ADARB2: variants seen among roughly 807,000 people sequenced by gnomAD.
ADARB2 encodes the protein adenosine deaminase RNA specific B2 (inactive), also known as inactive double-stranded RNA-specific editase B2.
In ADARB2, 25 loss-of-function variants were observed where a neutral mutation model predicts 62.2. The ratio of observed to expected loss-of-function variants is 0.40; its 90% confidence interval spans 0.29 to 0.56. ADARB2 has a LOEUF of 0.56. Among genes scored for constraint, ADARB2 ranks in the 20% least tolerant of loss-of-function variants. ADARB2 has a pLI of 0.43. For synonymous variants in ADARB2, 572 were observed against 500.8 expected, an observed-to-expected ratio of 1.14 and a Z score of -1.90; for missense variants, 1,071 against 1,077.4, an observed-to-expected ratio of 0.99 and a Z score of 0.08.
chr10:1,310,647 C>T (rs540102422), intron 3 of ADARB2, among the ~76,000 whole-genome samples: 1 of 152,272 alleles, frequency 6.6e-6, no homozygotes, highest in East Asian at 1.9e-4. Context: ...GGCTGCTGCG[C>T]TCCAGTCGGG....
chr10:1,613,393 G>A lies in ADARB2; in HGVS notation c.100+123658C>T, dbSNP rs75190771. 1.7e-3 allele frequency among the ~76,000 whole-genome samples: 258 copies of A among 152,060 alleles called. 1 individual carries two copies. Among genetic ancestry groups the A allele is most frequent in the African/African-American group, 5.4e-3 (225 of 41,444 alleles). Reference sequence around the variant, plus strand: ...ATAATTTTTCCTACTACTTCTTGTCGTTACCATTTCAAGGACAACATCCAT... The same window carrying A: ...ATAATTTTTCCTACTACTTCTTGTCATTACCATTTCAAGGACAACATCCAT... On this transcript the variant is annotated intron_variant, in intron 1 of 9. Coordinates refer to ENST00000381312, the MANE Select transcript of ADARB2 (RefSeq NM_018702.4).
intron 3 of ADARB2, among the ~76,000 whole-genome samples, chr10:1,321,558 T>C (rs1831795365): frequency 6.7e-6 from 1 of 149,706 alleles, no homozygotes; most frequent in South Asian, 2.1e-4. Context: ...TATTTTCAAA[T>C]TTTTTTGTAG....
chr10:1,734,336 T>C (rs1191480229), intron 1 of ADARB2, among the ~76,000 whole-genome samples: 3 of 150,870 alleles, frequency 2.0e-5, no homozygotes, highest in Non-Finnish European at 4.4e-5. Context: ...TACAGCTGCC[T>C]TTGTGGCATA....
chr10:1,320,828 G>T (rs1265467747), intron 3 of ADARB2, among the ~76,000 whole-genome samples: 1 of 152,184 alleles, frequency 6.6e-6, no homozygotes, highest in Non-Finnish European at 1.5e-5. Flanking sequence ...ATGATAAAAT[G>T]CCTCTTTCCT....
At chr10:1,578,815 G>A (rs1414004185) in intron 1 of ADARB2, among the ~76,000 whole-genome samples, 4 of 151,912 alleles carry the variant, frequency 2.6e-5, no homozygotes, top group Admixed American at 2.6e-4. Context: ...GCACACACAC[G>A]CATATACACA....
At chr10:1,378,987 G>A in intron 2 of ADARB2, 87 bp downstream of exon 2, 3 of 1,116,824 alleles carry the variant, frequency 2.7e-6, no homozygotes, top group Non-Finnish European at 4.1e-6. Flanking sequence ...GATGACCCCA[G>A]GTATCTCAGG....
At chr10:1,414,173 T>G (rs1237609234) in intron 1 of ADARB2, among the ~76,000 whole-genome samples, 1 of 152,210 alleles carries the variant, frequency 6.6e-6, no homozygotes, top group African/African-American at 2.4e-5. Context: ...CAACCCAGGC[T>G]TCGTTTCCTT....
chr10:1,711,141 G>A (rs1270178072), intron 1 of ADARB2, among the ~76,000 whole-genome samples: 2 of 152,186 alleles, frequency 1.3e-5, no homozygotes, highest in Non-Finnish European at 2.9e-5. Context: ...CATCTGGGAT[G>A]CCAGGCAGCC....
At chr10:1,278,853 TG>T (rs147782984) in intron 3 of ADARB2, among the ~76,000 whole-genome samples, 5,614 of 152,292 alleles carry the variant, frequency 0.037, 156 homozygotes, top group African/African-American at 0.069. Flanking sequence ...CATCTGTGGC[TG>T]GGAGCATGGC....
intron 1 of ADARB2, among the ~76,000 whole-genome samples, chr10:1,633,598 A>C (rs954306053): frequency 6.9e-6 from 1 of 145,098 alleles, no homozygotes. Flanking sequence ...CTATCTATCT[A>C]TCTATCTATC....
intron 1 of ADARB2, among the ~76,000 whole-genome samples, chr10:1,455,052 T>C (rs1383956984): frequency 6.6e-6 from 1 of 152,220 alleles, no homozygotes; most frequent in Non-Finnish European, 1.5e-5. Flanking sequence ...TTTAGGGCTT[T>C]TCCCCCTCAG....
chr10:1,449,382 T>C (rs7915454), intron 1 of ADARB2, among the ~76,000 whole-genome samples: 28 of 152,160 alleles, frequency 1.8e-4, no homozygotes, highest in African/African-American at 6.8e-4. Flanking sequence ...CCCCCTCCAC[T>C]GTGCTGAGTG....
At chr10:1,361,088 T>G (rs936419829) in intron 3 of ADARB2, 4 of 151,854 alleles carry the variant, frequency 2.6e-5, no homozygotes, top group Admixed American at 6.5e-5. Context: ...AGACCATGGG[T>G]GGTGGGGCTT....
At chr10:1,216,332 G>C (rs1354985135) in intron 7 of ADARB2, 14 of 154,458 alleles carry the variant, frequency 9.1e-5, no homozygotes, top group African/African-American at 3.4e-4. Context: ...GGGCAGAGCA[G>C]CTCAGGAGCT....
At chr10:1,569,066 GACAGAGACAGACAC>G (rs1256133856) in intron 1 of ADARB2, among the ~76,000 whole-genome samples, 1 of 150,974 alleles carries the variant, frequency 6.6e-6, no homozygotes, top group African/African-American at 2.4e-5. Context: ...GAGAAAGAGA[GACAGAGACAGACAC>G]ACAGAGACAG....
intron 1 of ADARB2, among the ~76,000 whole-genome samples, chr10:1,509,095 T>A (rs1831890049): frequency 6.6e-6 from 1 of 152,176 alleles, no homozygotes; most frequent in Non-Finnish European, 1.5e-5. Context: ...TCGATAATCG[T>A]GCCTCGTTTC....
intron 1 of ADARB2, among the ~76,000 whole-genome samples, chr10:1,698,013 C>A (rs1834769376): frequency 1.3e-5 from 2 of 152,160 alleles, no homozygotes; most frequent in Non-Finnish European, 2.9e-5. Context: ...TTTCACCTGT[C>A]AGAAAAACTA....
chr10:1,677,558 G>C (rs1157438159), intron 1 of ADARB2, among the ~76,000 whole-genome samples: 1 of 152,158 alleles, frequency 6.6e-6, no homozygotes, highest in Non-Finnish European at 1.5e-5. Flanking sequence ...TGTCCTAGCC[G>C]GGACCCAAAG....
chr10:1,701,890 C>A (rs1409706422), intron 1 of ADARB2, among the ~76,000 whole-genome samples: 2 of 150,470 alleles, frequency 1.3e-5, no homozygotes, highest in African/African-American at 2.4e-5. Flanking sequence ...CAGGCGCTCG[C>A]CAATACACTC....
Sources: gnomAD v4.1 joint callset for allele counts (sites outside exome capture counted in the v4.1 genomes callset) on GRCh38, gnomAD v4.1.1 for gene constraint, MANE v1.5 for transcripts, NCBI Gene and HGNC (gene_info 2026-07-23, HGNC 2026-07-21) for gene names.